Variants in SLC41A3 observed in about 807,000 individuals in gnomAD.
SLC41A3 encodes the protein SLC41A1-like 2.
A neutral mutation model predicts 45.4 loss-of-function variants in SLC41A3; 44 were observed. The observed-to-expected ratio is 0.97, with a 90% confidence interval of 0.76 to 1.25. The LOEUF is 1.25. SLC41A3 is among the 50% of genes most tolerant of loss of function. SLC41A3 has a pLI of 0.00. For synonymous variants in SLC41A3, 256 were observed against 252.4 expected (o/e 1.01, Z -0.13); for missense variants, 550 against 600.6 (o/e 0.92, Z 0.88).
upstream of SLC41A3, among the ~76,000 whole-genome samples, chr3:126,089,013 C>A (rs1011110339): frequency 6.6e-6 from 1 of 152,104 alleles, no homozygotes; most frequent in Non-Finnish European, 1.5e-5. Context: ...GGGGACTGCC[C>A]AGCTCTCTGT....
rs1200327572 is a variant in SLC41A3 at position 126,008,774 on chromosome 3, G to T, written c.1212C>A (p.Ser404Arg). 6.2e-7 allele frequency: 1 copy of T among 1,614,150 alleles called. No individual in the cohort carries two copies. Among genetic ancestry groups the T allele is most frequent in the Non-Finnish European group, 8.5e-7 (1 of 1,179,988 alleles). Residue 404 changes from serine (S) to arginine (R), a missense_variant, in exon 10 of 11, where the codon AGC (serine) becomes AGA (arginine). Ser to Arg is a moderately radical substitution (Grantham distance 110). Coordinates refer to ENST00000360370, the MANE Select transcript of SLC41A3 (RefSeq NM_017836.4). Reference protein sequence around the residue: ...YLVEGQSVINSQTFVVLYLLA... With the variant: ...YLVEGQSVINRQTFVVLYLLA... Reference sequence around the variant, plus strand: ...GCAGGTAGAGCACCACAAAGGTCTGGCTGTTTATGACTGACTGACCCTCCA... The same window carrying T: ...GCAGGTAGAGCACCACAAAGGTCTGTCTGTTTATGACTGACTGACCCTCCA...
intron 3 of SLC41A3, among the ~76,000 whole-genome samples, chr3:126,044,652 T>C (rs1942827233): frequency 1.3e-5 from 2 of 151,784 alleles, no homozygotes; most frequent in Non-Finnish European, 2.9e-5. Flanking sequence ...TCCCAGCACT[T>C]TGGGAGGCCG....
intron 1 of SLC41A3, chr3:126,073,219 T>C (rs1024418383): frequency 2.6e-5 from 4 of 152,366 alleles, no homozygotes; most frequent in African/African-American, 7.2e-5. Flanking sequence ...GGCAAGCAGA[T>C]TGCTTGAGCT....
chr3:126,035,889 C>T (rs1942152751), intron 3 of SLC41A3, among the ~76,000 whole-genome samples: 2 of 152,050 alleles, frequency 1.3e-5, no homozygotes, highest in Admixed American at 1.3e-4. Context: ...TTTTTCTGCC[C>T]TGGAATGGAG....
At chr3:126,048,414 T>A (rs760057436) in intron 3 of SLC41A3, among the ~76,000 whole-genome samples, 1 of 152,216 alleles carries the variant, frequency 6.6e-6, no homozygotes, top group Non-Finnish European at 1.5e-5. Flanking sequence ...TATAGAGACA[T>A]GTTTATGTAT....
intron 1 of SLC41A3, among the ~76,000 whole-genome samples, chr3:126,075,338 T>G (rs1412879005): frequency 1.3e-5 from 2 of 152,132 alleles, no homozygotes; most frequent in Non-Finnish European, 2.9e-5. Context: ...TGAAGAAAAC[T>G]TCAGAACAAA....
chr3:126,007,971 C>T (rs1939282419), intron 10 of SLC41A3, among the ~76,000 whole-genome samples: 1 of 152,252 alleles, frequency 6.6e-6, no homozygotes, highest in African/African-American at 2.4e-5. Flanking sequence ...TAATCTCCTT[C>T]ACCATGCTTA....
At chr3:126,033,866 G>A (rs1344375678) in intron 3 of SLC41A3, among the ~76,000 whole-genome samples, 188 bp from the exon 4 acceptor site, 4 of 152,028 alleles carry the variant, frequency 2.6e-5, no homozygotes, top group Admixed American at 1.3e-4. Context: ...GGGGAGAAAC[G>A]TTAGGGCACA....
chr3:126,044,923 A>AAAAAAAAAAAAAAAAAG, intron 3 of SLC41A3, among the ~76,000 whole-genome samples: 1 of 145,998 alleles, frequency 6.8e-6, no homozygotes, highest in South Asian at 2.2e-4. Flanking sequence ...AAAAAAAAAA[A>AAAAAAAAAAAAAAAAAG]ATCATACAGA....
chr3:126,072,378 A>T (rs1576357547), intron 1 of SLC41A3, among the ~76,000 whole-genome samples: 1 of 151,874 alleles, frequency 6.6e-6, no homozygotes, highest in Middle Eastern at 3.4e-3. Context: ...AAAATAAAAA[A>T]AAAAAAAGGC....
chr3:126,045,839 A>G (rs2107845540), intron 3 of SLC41A3, among the ~76,000 whole-genome samples: 1 of 152,286 alleles, frequency 6.6e-6, no homozygotes, highest in African/African-American at 2.4e-5. Context: ...TATCTGCTGG[A>G]TATTGATGCA....
At chr3:126,051,282 C>T (rs553101175) in intron 2 of SLC41A3, among the ~76,000 whole-genome samples, 26 of 152,356 alleles carry the variant, frequency 1.7e-4, no homozygotes, top group Non-Finnish European at 1.5e-4. Flanking sequence ...GGGGGCTGGG[C>T]CAGGCTGGAG....
intron 3 of SLC41A3, among the ~76,000 whole-genome samples, chr3:126,035,549 C>A (rs938113150): frequency 6.6e-6 from 1 of 152,232 alleles, no homozygotes; most frequent in African/African-American, 2.4e-5. Flanking sequence ...GCGAAATCAA[C>A]GCTGAACACT....
At chr3:126,070,996 G>T (rs978484822) in intron 1 of SLC41A3, among the ~76,000 whole-genome samples, 1 of 147,166 alleles carries the variant, frequency 6.8e-6, no homozygotes, top group African/African-American at 2.5e-5. Flanking sequence ...CAACTGCTAA[G>T]AAAAAAAAAT....
chr3:126,084,542 C>T (rs1392943209), upstream of SLC41A3: 1 of 152,216 alleles, frequency 6.6e-6, no homozygotes, highest in Non-Finnish European at 1.5e-5. Flanking sequence ...GTGCTTCACC[C>T]CACACATGCC....
intron 9 of SLC41A3, among the ~76,000 whole-genome samples, chr3:126,012,082 G>A (rs1939771979): frequency 6.6e-6 from 1 of 152,136 alleles, no homozygotes; most frequent in Non-Finnish European, 1.5e-5. Flanking sequence ...ATTCAGCTCA[G>A]GCCACATTGG....
At chr3:126,064,144 T>C (rs972503371) in intron 2 of SLC41A3, among the ~76,000 whole-genome samples, 2 of 151,878 alleles carry the variant, frequency 1.3e-5, no homozygotes, top group African/African-American at 4.8e-5. Flanking sequence ...AAGGGGTCAA[T>C]GGTGGGGTAA....
chr3:126,081,761 A>G (rs1445356553), intron 1 of SLC41A3, among the ~76,000 whole-genome samples: 1 of 152,210 alleles, frequency 6.6e-6, no homozygotes, highest in Non-Finnish European at 1.5e-5. Flanking sequence ...GCCAGAGGCA[A>G]CTGGGCAGTG....
At position 126,063,957 on chromosome 3, in the gene SLC41A3, C is replaced by CCCA. The variant is rs776315005; in HGVS notation, c.273+3989_273+3990insTGG. ...TGATTAAGCCAGATCCAACCCCCCC[C>CCCA]CGGGGACACACACTCCCCATACCCA... On this transcript the variant is annotated intron_variant, in intron 2 of 10. Coordinates refer to ENST00000360370, the MANE Select transcript of SLC41A3 (RefSeq NM_017836.4). Among the ~76,000 whole-genome samples the CCCA allele has an allele frequency of 8.9e-3, 1,275 of 143,340 alleles. 108 individuals are homozygous for CCCA. The highest frequency in any genetic ancestry group is 0.015 in the Non-Finnish European group (942 of 63,766). 94.0% of individuals were successfully genotyped at this position (143,340 alleles called of 152,430 possible).
Sources: allele counts gnomAD v4.1 joint callset (sites outside exome capture counted in the v4.1 genomes callset), GRCh38; gene constraint gnomAD v4.1.1; transcripts MANE v1.5; gene names NCBI Gene and HGNC (gene_info 2026-07-23, HGNC 2026-07-21).